MVB12B: variants seen among roughly 807,000 people sequenced by gnomAD.
MVB12B encodes multivesicular body subunit 12B.
Under a neutral mutation model 41.6 loss-of-function variants are expected in MVB12B, and 16 were observed. That is an observed-to-expected ratio of 0.38 (90% CI 0.26 to 0.58). The LOEUF (loss-of-function observed/expected upper bound fraction) is 0.58. Among genes scored for constraint, MVB12B ranks in the 20% least tolerant of loss-of-function variants. The pLI is 0.62. For missense variants in MVB12B, 274 were observed against 380.2 expected, an observed-to-expected ratio of 0.72 and a Z score of 2.32; for synonymous variants, 133 against 139.7, an observed-to-expected ratio of 0.95 and a Z score of 0.34.
intron 2 of MVB12B, among the ~76,000 whole-genome samples, chr9:126,361,407 C>T (rs1214713974): frequency 6.6e-6 from 1 of 152,088 alleles, no homozygotes; most frequent in Admixed American, 6.5e-5. Context: ...GTCATAAACT[C>T]CACAATACAT....
At chr9:126,350,763 A>G (rs912412277) in intron 2 of MVB12B, among the ~76,000 whole-genome samples, 7 of 152,252 alleles carry the variant, frequency 4.6e-5, no homozygotes, top group African/African-American at 9.6e-5. Flanking sequence ...CAATACTGCT[A>G]CAATGGGGAT....
chr9:126,477,357 A>G (rs1255445600), intron 7 of MVB12B, among the ~76,000 whole-genome samples: 1 of 152,156 alleles, frequency 6.6e-6, no homozygotes, highest in Non-Finnish European at 1.5e-5. Context: ...ATATATCTAA[A>G]CTATGTCAAT....
chr9:126,359,782 T>C lies in MVB12B; in HGVS notation c.204+19152T>C, dbSNP rs552097200. Among the ~76,000 whole-genome samples the C allele has an allele frequency of 3.3e-4, 51 of 152,310 alleles. 1 individual carries two copies. The highest frequency in any genetic ancestry group is 1.2e-3 in the African/African-American group (48 of 41,596). On this transcript the variant is annotated intron_variant, in intron 2 of 9. Transcript: ENST00000361171. ...GTAATTGGTGTCATCTCTCTTTTTT[T>C]CTTGCTCAGGCTGCCATCCTGGATC...
intron 7 of MVB12B, among the ~76,000 whole-genome samples, chr9:126,425,739 C>G (rs1251924537): frequency 1.3e-5 from 2 of 152,222 alleles, no homozygotes; most frequent in African/African-American, 4.8e-5. Context: ...ACTGGGCAGG[C>G]AAGCAGCCGG....
At chr9:126,347,762 T>G (rs559784049) in intron 2 of MVB12B, among the ~76,000 whole-genome samples, 1 of 152,376 alleles carries the variant, frequency 6.6e-6, no homozygotes, top group Non-Finnish European at 1.5e-5. Context: ...CATGTGAAGA[T>G]GGCAACTATA....
Position 126,386,672 on chromosome 9 carries a change from T to C in MVB12B, c.409+14T>C, listed in dbSNP as rs780946949. The C allele has an allele frequency of 1.3e-6, 2 of 1,565,040 alleles. No homozygotes were observed. Among genetic ancestry groups the C allele is most frequent in the Non-Finnish European group, 1.8e-6 (2 of 1,135,668 alleles). On this transcript the variant is annotated intron_variant, in intron 4 of 9. Transcript: ENST00000361171. This position sits in a 1 kb window ranked among gnomAD's most constrained non-coding sequence, Gnocchi z 4.3. Reference sequence around the variant, plus strand: ...CGGTGGACACACGTGAGTCATCCTTTAGTAGCACTCATCACAATGAGCGTT... The same window carrying C: ...CGGTGGACACACGTGAGTCATCCTTCAGTAGCACTCATCACAATGAGCGTT...
intron 2 of MVB12B, among the ~76,000 whole-genome samples, chr9:126,380,727 AT>A (rs1564299384): frequency 6.6e-6 from 1 of 152,124 alleles, no homozygotes; most frequent in Non-Finnish European, 1.5e-5. Flanking sequence ...ACCCCGCACC[AT>A]CCCCCCGAGT....
In MVB12B at chr9:126,395,439, C is replaced by A; in HGVS notation, c.540-136C>A. 9.6e-7 allele frequency: 1 copy of A among 1,040,524 alleles called. No individual in the cohort carries two copies. Among genetic ancestry groups the A allele is most frequent in the Non-Finnish European group, 1.4e-6 (1 of 701,686 alleles). The allele number at this position is 1,040,524 out of a possible 1,614,324, so 64.5% of individuals were successfully genotyped here. ...AGAGCACAAAGGAGACGGTGGAACC[C>A]ATTTCACGTGGAGGGCAAGAATTGA... On this transcript the variant is annotated intron_variant, in intron 5 of 9. Transcript: ENST00000361171. The surrounding 1 kb of genome is among the most constrained non-coding windows in gnomAD (Gnocchi z 4.9).
chr9:126,391,110 C>T lies in MVB12B; in HGVS notation c.410-956C>T, dbSNP rs138896926. ...CTGTGTGACCGAGGTCCTGGGCCGA[C>T]GCCAGCAGAGCTCAGCAAGAATGGC... On this transcript the variant is annotated intron_variant, in intron 4 of 9. Coordinates refer to ENST00000361171, the MANE Select transcript of MVB12B (RefSeq NM_033446.3). This position sits in a 1 kb window ranked among gnomAD's most constrained non-coding sequence, Gnocchi z 4.4. Among the ~76,000 whole-genome samples the T allele has an allele frequency of 1.3e-5, 2 of 152,284 alleles. No individual in the cohort carries two copies. Among genetic ancestry groups the T allele is most frequent in the East Asian group, 1.9e-4 (1 of 5,180 alleles).
intron 2 of MVB12B, among the ~76,000 whole-genome samples, chr9:126,373,017 C>T (rs1830384734): frequency 6.6e-6 from 1 of 152,134 alleles, no homozygotes; most frequent in Non-Finnish European, 1.5e-5. Context: ...CAGAGGGGTG[C>T]AAGGCCAACA....
chr9:126,339,698 T>C (rs1276164120), intron 1 of MVB12B, among the ~76,000 whole-genome samples: 1 of 152,186 alleles, frequency 6.6e-6, no homozygotes, highest in Non-Finnish European at 1.5e-5. Context: ...GATCTGCCAG[T>C]CCCCTATGGA....
chr9:126,439,227 G>C (rs1027167148), intron 7 of MVB12B, among the ~76,000 whole-genome samples: 1 of 152,046 alleles, frequency 6.6e-6, no homozygotes, highest in Non-Finnish European at 1.5e-5. Flanking sequence ...TGGCAGACCT[G>C]GGAGCTCTGA....
At chr9:126,400,338 T>TA (rs1350205796) in intron 6 of MVB12B, among the ~76,000 whole-genome samples, 3 of 151,964 alleles carry the variant, frequency 2.0e-5, no homozygotes, top group African/African-American at 7.3e-5. Context: ...CTTAACACTT[T>TA]AAAAAAATCA....
intron 6 of MVB12B, among the ~76,000 whole-genome samples, chr9:126,409,620 A>G (rs796233272): frequency 4.6e-5 from 7 of 152,274 alleles, no homozygotes; most frequent in African/African-American, 1.7e-4. Flanking sequence ...CTTTGCCACC[A>G]CGTGGCTCCC....
chr9:126,461,257 G>C (rs906604138), intron 7 of MVB12B, among the ~76,000 whole-genome samples: 2 of 152,256 alleles, frequency 1.3e-5, no homozygotes, highest in Non-Finnish European at 2.9e-5. Context: ...GGCTGGCCCT[G>C]GTGGCTTCTA....
At chr9:126,424,443 C>G (rs952677952) in intron 7 of MVB12B, among the ~76,000 whole-genome samples, 1 of 152,108 alleles carries the variant, frequency 6.6e-6, no homozygotes, top group Non-Finnish European at 1.5e-5. Context: ...AATCATTTAG[C>G]CTCCTGTCTG....
intron 9 of MVB12B, among the ~76,000 whole-genome samples, chr9:126,499,048 G>C (rs760979372): frequency 2.0e-5 from 3 of 152,204 alleles, no homozygotes; most frequent in African/African-American, 7.2e-5. Flanking sequence ...CACACGAATC[G>C]TCCTAGTTGT....
rs553070195 is a variant in MVB12B, at chr9:126,435,030, C to G, written c.757+13082C>G. Among the ~76,000 whole-genome samples, 24 of 152,112 alleles carry G rather than the reference C, an allele frequency of 1.6e-4. 1 individual carries two copies. In the South Asian group the frequency reaches 4.1e-3, roughly 26 times the overall value. The stretch of plus-strand genomic sequence containing the variant: ...ACTGGTTCACCCTTTTGTATCCACC[C>G]TTTCCAGCTACATTACTTTAGACAG... On this transcript the variant is annotated intron_variant, in intron 7 of 9. Coordinates refer to ENST00000361171, the MANE Select transcript of MVB12B (RefSeq NM_033446.3).
intron 6 of MVB12B, among the ~76,000 whole-genome samples, chr9:126,411,624 C>T (rs555502274): frequency 1.6e-4 from 25 of 152,246 alleles, no homozygotes; most frequent in Admixed American, 1.2e-3. Context: ...CTTGTCTTGG[C>T]TTGTGTCAAT....
Sources: gnomAD v4.1 joint callset for allele counts (sites outside exome capture counted in the v4.1 genomes callset) on GRCh38, gnomAD v4.1.1 for gene constraint, Gnocchi (gnomAD v3.1) non-coding constraint, MANE v1.5 for transcripts, NCBI Gene and HGNC (gene_info 2026-07-23, HGNC 2026-07-21) for gene names.